Variants in RORA observed in about 807,000 individuals in gnomAD.
The protein encoded by RORA is nuclear receptor ROR-alpha.
Under a neutral mutation model 69.5 loss-of-function variants are expected in RORA, and 7 were observed. The observed-to-expected ratio is 0.10, with a 90% CI of 0.06 to 0.19. The LOEUF is 0.19. RORA is among the 10% of genes least tolerant of loss of function. The pLI is 1.00. For synonymous variants in RORA, 261 were observed against 240.8 expected (o/e 1.08, Z -0.78); for missense variants, 457 against 663.0 (o/e 0.69, Z 3.41).
At chr15:60,638,482 C>T (rs774535168) in intron 2 of RORA, among the ~76,000 whole-genome samples, 5 of 151,120 alleles carry the variant, frequency 3.3e-5, no homozygotes, top group Non-Finnish European at 5.9e-5. Flanking sequence ...AGCATTAGTC[C>T]CAAGAAGTGC....
At chr15:61,072,412 A>T (rs1482407986) in intron 1 of RORA, among the ~76,000 whole-genome samples, 1 of 152,194 alleles carries the variant, frequency 6.6e-6, no homozygotes, top group African/African-American at 2.4e-5. Flanking sequence ...AAAACTATTC[A>T]CATTTCCATA....
At chr15:60,752,723 T>C (rs1254108317) in intron 1 of RORA, among the ~76,000 whole-genome samples, 2 of 144,062 alleles carry the variant, frequency 1.4e-5, no homozygotes, top group African/African-American at 5.1e-5. Context: ...GACTCTGACC[T>C]TGTAAACGAA....
chr15:60,776,278 C>T (rs897755347), intron 1 of RORA, among the ~76,000 whole-genome samples: 5 of 152,230 alleles, frequency 3.3e-5, no homozygotes, highest in African/African-American at 1.2e-4. Flanking sequence ...GTGGTTCCCA[C>T]CTCACTCTTC....
chr15:60,627,434 C>T (rs1336743534), intron 2 of RORA: 1 of 1,607,434 alleles, frequency 6.2e-7, no homozygotes, highest in Non-Finnish European at 8.5e-7. Flanking sequence ...CCCCAGTGTA[C>T]TATGGAGTCC....
At chr15:60,567,539 T>C (rs1173982539) in intron 2 of RORA, among the ~76,000 whole-genome samples, 2 of 152,038 alleles carry the variant, frequency 1.3e-5, no homozygotes, top group East Asian at 1.9e-4. Context: ...GCCTCCCGAA[T>C]AGCTGGGACT....
chr15:60,943,723 C>A lies in RORA; in HGVS notation c.167-265037G>T, dbSNP rs111632261. ...CTGAGCTCAGGAGTTCAAGACCAGC[C>A]TGGGCAACACGGTGAAACCCCATCA... On this transcript the variant is annotated intron_variant, in intron 1 of 10. Coordinates refer to ENST00000335670, the MANE Select transcript of RORA (RefSeq NM_134261.3). Among the ~76,000 whole-genome samples the A allele has an allele frequency of 2.4e-3, 365 of 151,554 alleles. 1 individual carries two copies. Among genetic ancestry groups the A allele is most frequent in the African/African-American group, 8.6e-3 (354 of 41,286 alleles).
At position 61,189,856 on chromosome 15, in the gene RORA, C is replaced by CAAAAAAAAAA. The variant is rs71125907; in HGVS notation, c.166+39187_166+39196dup. On this transcript the variant is annotated intron_variant, in intron 1 of 10. Transcript: ENST00000335670. ...TGGGTGACAGAGCGAGACTCTGTCT[C>CAAAAAAAAAA]AAAAAAAAAAAAAAAAAAAAAAAAA... Among the ~76,000 whole-genome samples the CAAAAAAAAAA allele has an allele frequency of 4.7e-5, 2 of 42,894 alleles. 1 individual carries two copies. Among genetic ancestry groups the CAAAAAAAAAA allele is most frequent in the Non-Finnish European group, 7.3e-5 (2 of 27,246 alleles). The allele number at this position is 42,894 out of a possible 152,430, so 28.1% of individuals were successfully genotyped here. A position where few individuals can be genotyped will look rare whatever the true frequency, so the allele number is the denominator to read the frequency against.
At chr15:60,636,521 T>C (rs1275662911) in intron 2 of RORA, among the ~76,000 whole-genome samples, 1 of 152,232 alleles carries the variant, frequency 6.6e-6, no homozygotes, top group Admixed American at 6.5e-5. Flanking sequence ...GTACCACTCT[T>C]GGCTTAGAAG....
chr15:60,943,776 C>G (rs955544979), intron 1 of RORA, among the ~76,000 whole-genome samples: 1 of 151,422 alleles, frequency 6.6e-6, no homozygotes, highest in Admixed American at 6.6e-5. Context: ...ATTAGCCAGG[C>G]GTGGTAGCGT....
intron 1 of RORA, among the ~76,000 whole-genome samples, chr15:60,689,680 A>G (rs2070795292): frequency 6.6e-6 from 1 of 152,066 alleles, no homozygotes; most frequent in South Asian, 2.1e-4. Context: ...GATTTAGTCT[A>G]AATTTAATTA....
chr15:60,560,625 C>CT (rs2067510914), intron 2 of RORA, among the ~76,000 whole-genome samples: 2 of 152,356 alleles, frequency 1.3e-5, no homozygotes, highest in African/African-American at 4.8e-5. Flanking sequence ...GGAGGGATCA[C>CT]TTGAGCCTGG....
At chr15:60,699,181 T>C (rs1054018193) in intron 1 of RORA, among the ~76,000 whole-genome samples, 1 of 152,168 alleles carries the variant, frequency 6.6e-6, no homozygotes, top group Admixed American at 6.5e-5. Context: ...CTTTAAAATA[T>C]CCAATCTAGT....
rs542739567 is a variant in RORA, at chr15:60,537,584, G to A, written c.197-5733C>T. Among the ~76,000 whole-genome samples the A allele has an allele frequency of 1.3e-5, 2 of 152,264 alleles. No individual in the cohort carries two copies. Among genetic ancestry groups the A allele is most frequent in the East Asian group, 1.9e-4 (1 of 5,182 alleles). On this transcript the variant is annotated intron_variant, in intron 2 of 10. Transcript: ENST00000335670. The surrounding 1 kb of genome is among the most constrained non-coding windows in gnomAD (Gnocchi z 4.9). ...CCATGTGGAAGGGGAACAGACCATC[G>A]ACCTGGACCTGTGGCTTGGAATAGA...
intron 1 of RORA, among the ~76,000 whole-genome samples, chr15:61,197,124 C>T (rs1180625917): frequency 6.6e-6 from 1 of 152,222 alleles, no homozygotes. Context: ...CACACCCGGG[C>T]CTTAGCCCCC....
chr15:61,195,104 T>A (rs1258583130), intron 1 of RORA, among the ~76,000 whole-genome samples: 2 of 152,102 alleles, frequency 1.3e-5, no homozygotes, highest in Admixed American at 1.3e-4. Context: ...ACAGGTGGAT[T>A]TACCTTATCC....
chr15:60,965,536 A>G (rs1172424347), intron 1 of RORA, among the ~76,000 whole-genome samples: 1 of 152,210 alleles, frequency 6.6e-6, no homozygotes, highest in Non-Finnish European at 1.5e-5. Flanking sequence ...GGAAGAACTT[A>G]ATATATCTGA....
chr15:61,133,592 C>T (rs967741071), intron 1 of RORA, among the ~76,000 whole-genome samples: 23 of 152,186 alleles, frequency 1.5e-4, no homozygotes, highest in East Asian at 1.4e-3. Context: ...AGTCACAAGT[C>T]GGGATGGCCA....
intron 1 of RORA, among the ~76,000 whole-genome samples, chr15:60,921,954 T>C (rs1336324660): frequency 6.6e-6 from 1 of 152,178 alleles, no homozygotes; most frequent in African/African-American, 2.4e-5. Context: ...AAGAGAATAC[T>C]ATAACAGACC....
At chr15:60,831,204 C>T (rs1287436253) in intron 1 of RORA, among the ~76,000 whole-genome samples, 1 of 152,182 alleles carries the variant, frequency 6.6e-6, no homozygotes, top group Non-Finnish European at 1.5e-5. Context: ...TTTTCCAATC[C>T]AGTCTTCTTT....
Sources: gnomAD v4.1 joint callset for allele counts (sites outside exome capture counted in the v4.1 genomes callset) on GRCh38, gnomAD v4.1.1 for gene constraint, Gnocchi (gnomAD v3.1) non-coding constraint, MANE v1.5 for transcripts, NCBI Gene and HGNC (gene_info 2026-07-23, HGNC 2026-07-21) for gene names.